The following FARP2 variants were observed in gnomAD, a reference collection of about 807,000 sequenced individuals.
The protein encoded by FARP2 is FERM, ARH/RhoGEF and pleckstrin domain protein 2.
Under a neutral mutation model 130.5 loss-of-function variants are expected in FARP2, and 111 were observed. The observed-to-expected ratio is 0.85, with a 90% CI of 0.73 to 1.00. The LOEUF is 1.00. FARP2 is among the 50% of genes least tolerant of loss of function. The pLI is 0.00. For synonymous variants in FARP2, 504 were observed against 516.9 expected, an observed-to-expected ratio of 0.98 and a Z score of 0.34; for missense variants, 1,385 against 1,346.3, an observed-to-expected ratio of 1.03 and a Z score of -0.45.
intron 2 of FARP2, among the ~76,000 whole-genome samples, chr2:241,391,618 A>G (rs1443127384): frequency 1.3e-5 from 2 of 152,184 alleles, no homozygotes; most frequent in Non-Finnish European, 2.9e-5. Flanking sequence ...GAATTTGGGA[A>G]TTCAAGTAGG....
At chr2:241,465,800 A>T (rs891835311) in intron 17 of FARP2, 1 of 1,548,456 alleles carries the variant, frequency 6.5e-7, no homozygotes, top group Non-Finnish European at 8.7e-7. Flanking sequence ...CCCACCTTCT[A>T]CCCAATCCTG....
intron 8 of FARP2, among the ~76,000 whole-genome samples, chr2:241,423,775 A>T (rs941009151): frequency 6.6e-6 from 1 of 152,218 alleles, no homozygotes; most frequent in African/African-American, 2.4e-5. Context: ...AAAATTTACC[A>T]AGCAAATGGA....
At chr2:241,466,768 C>T (rs1334518994) in intron 17 of FARP2, 1 of 204,228 alleles carries the variant, frequency 4.9e-6, no homozygotes, top group Non-Finnish European at 8.6e-6. Flanking sequence ...TTCCCCACTC[C>T]CCTTTGGCCT....
In FARP2 at chr2:241,468,287, C is replaced by G. The variant is rs2064225522; in HGVS notation, c.2041C>G (p.Pro681Ala). 1.9e-6 allele frequency: 3 copies of G among 1,613,732 alleles called. No individual in the cohort carries two copies. Among genetic ancestry groups the G allele is most frequent in the Non-Finnish European group, 1.7e-6 (2 of 1,180,016 alleles). The part of the protein sequence containing the change: ...YLPLNTFLLK[P>A]IQRLLHYRLL... ...GCCTCTCAACACGTTCCTGCTGAAG[C>G]CCATCCAGCGGCTGCTGCACTACCG... The change falls in exon 18 of 27, where the codon CCC (proline) becomes GCC (alanine). Residue 681 changes from proline (P) to alanine (A), a missense_variant. Transcript: ENST00000264042.
chr2:241,482,613 C>T lies in FARP2; in HGVS notation c.2263-852C>T, dbSNP rs922240916. ...TCTTCATTGTGTGGGGTGGACGTTT[C>T]TGTTTGGGCTGGTTTTTCATCCTGC... On this transcript the variant is annotated intron_variant, in intron 19 of 26. Transcript: ENST00000264042. This position sits in a 1 kb window ranked among gnomAD's most constrained non-coding sequence, Gnocchi z 4.6. Among the ~76,000 whole-genome samples the T allele has an allele frequency of 1.3e-5, 2 of 152,124 alleles. No homozygotes were observed. The highest frequency in any genetic ancestry group is 2.9e-5 in the Non-Finnish European group (2 of 68,026).
chr2:241,372,888 T>G, intron 1 of FARP2, 196 bp from the exon 2 acceptor site: 1 of 331,258 alleles, frequency 3.0e-6, no homozygotes, highest in East Asian at 4.5e-5. Flanking sequence ...GTGCTTGTTA[T>G]TTTATGCTCC....
At chr2:241,387,888 G>A (rs2061825356) in intron 2 of FARP2, among the ~76,000 whole-genome samples, 1 of 150,584 alleles carries the variant, frequency 6.6e-6, no homozygotes, top group Non-Finnish European at 1.5e-5. Flanking sequence ...CTTAAAACTT[G>A]TACACAGAAA....
chr2:241,441,366 C>T lies in FARP2; in HGVS notation c.1221C>T (p.Tyr407=). 3 of 1,614,032 alleles carry T rather than the reference C, an allele frequency of 1.9e-6. No individual in the cohort carries two copies. The highest frequency in any genetic ancestry group is 1.1e-5 in the South Asian group (1 of 91,074). The part of the protein sequence containing the change: ...PASPSSANAF[Y]SLSPSTLVPS... ...CCCCATCTTCAGCGAATGCCTTTTA[C>T]TCGCTCTCTCCCTCCACTCTGGTCC... is the stretch of plus-strand genomic sequence containing the variant. The change falls in exon 13 of 27, where the codon TAC becomes TAT. Residue 407 remains tyrosine (Y), a synonymous_variant. Transcript: ENST00000264042.
At chr2:241,452,618 C>G (rs1242995403) in intron 13 of FARP2, among the ~76,000 whole-genome samples, 4 of 151,446 alleles carry the variant, frequency 2.6e-5, no homozygotes. Flanking sequence ...GATTGGACTT[C>G]ATAAGATCCC....
intron 14 of FARP2, 122 bp downstream of exon 14, chr2:241,457,044 C>G: frequency 1.2e-6 from 1 of 853,916 alleles, no homozygotes. Context: ...GCACTCACAG[C>G]CGCCTTACCA....
chr2:241,440,584 A>G (rs2063356583), intron 12 of FARP2, among the ~76,000 whole-genome samples: 1 of 152,134 alleles, frequency 6.6e-6, no homozygotes, highest in African/African-American at 2.4e-5. Context: ...AGGGCATCCT[A>G]GGCAGTGACC....
In FARP2 at chr2:241,437,670, A is replaced by ATTT. The variant is rs763025047; in HGVS notation, c.1158+1142_1158+1144dup. Among the ~76,000 whole-genome samples, 108 of 133,118 alleles carry ATTT rather than the reference A, an allele frequency of 8.1e-4. 2 individuals carry two copies. The highest frequency in any genetic ancestry group is 8.1e-3 in the Middle Eastern group (2 of 246). 87.3% of individuals were successfully genotyped at this position (133,118 alleles called of 152,430 possible). On this transcript the variant is annotated intron_variant, in intron 12 of 26. Coordinates refer to ENST00000264042, the MANE Select transcript of FARP2 (RefSeq NM_014808.4). ...TATATATTTATTTATTTATTTATTT[A>ATTT]TTTTTTTTTTTTGAGACGGAGTCTT...
chr2:241,464,069 C>A (rs1390247231), intron 17 of FARP2, 89 bp downstream of exon 17: 6 of 1,107,204 alleles, frequency 5.4e-6, no homozygotes, highest in African/African-American at 1.5e-5. Context: ...AGAACAGCGT[C>A]CCCTCAGAAA....
intron 2 of FARP2, among the ~76,000 whole-genome samples, chr2:241,375,215 T>G (rs1394625308): frequency 6.6e-6 from 1 of 152,162 alleles, no homozygotes; most frequent in Non-Finnish European, 1.5e-5. Flanking sequence ...CCTCCCAAAG[T>G]GCTGGAATTA....
At chr2:241,362,428 C>A (rs1404820092) in intron 1 of FARP2, among the ~76,000 whole-genome samples, 1 of 151,734 alleles carries the variant, frequency 6.6e-6, no homozygotes, top group South Asian at 2.1e-4. Context: ...ATGGTGAAAC[C>A]CCATCTCACT....
intron 18 of FARP2, among the ~76,000 whole-genome samples, chr2:241,473,940 T>G (rs1449285451): frequency 6.6e-6 from 1 of 152,082 alleles, no homozygotes; most frequent in Non-Finnish European, 1.5e-5. Flanking sequence ...TGATGATCTC[T>G]TCACCTACTT....
In FARP2 at chr2:241,404,460, A is replaced by T. The variant is rs1433514377; in HGVS notation, c.289-339A>T. Among the ~76,000 whole-genome samples, 7 of 152,190 alleles carry T rather than the reference A, an allele frequency of 4.6e-5. No individual in the cohort carries two copies. In the South Asian group the frequency reaches 8.3e-4, roughly 18 times the overall value. ...TCTTTTTTGCAGAAGCCCGCTCATC[A>T]GTTTGTTCACAAATGCAGTAGTACC... On this transcript the variant is annotated intron_variant, in intron 3 of 26. Coordinates refer to ENST00000264042, the MANE Select transcript of FARP2 (RefSeq NM_014808.4).
At chr2:241,455,426 G>A (rs1405211417) in intron 13 of FARP2, among the ~76,000 whole-genome samples, 4 of 152,210 alleles carry the variant, frequency 2.6e-5, no homozygotes, top group African/African-American at 7.2e-5. Context: ...TGTTGCCCAG[G>A]CTGGAGGGCA....
intron 2 of FARP2, among the ~76,000 whole-genome samples, chr2:241,381,553 C>G (rs2150313812): frequency 6.6e-6 from 1 of 152,260 alleles, no homozygotes. Context: ...CTGGAAGGTG[C>G]AGTGCTTTTC....
Sources: gnomAD v4.1 joint callset for allele counts (sites outside exome capture counted in the v4.1 genomes callset) on GRCh38, gnomAD v4.1.1 for gene constraint, Gnocchi (gnomAD v3.1) non-coding constraint, MANE v1.5 for transcripts, NCBI Gene and HGNC (gene_info 2026-07-23, HGNC 2026-07-21) for gene names.